Variants in SLC38A12 observed in about 807,000 individuals in gnomAD.
The protein encoded by SLC38A12 is solute carrier family 38 member 12.
the SLC38A12 span, among the ~76,000 whole-genome samples, chr17:74,810,212 G>A: frequency 2.0e-5 from 3 of 152,204 alleles, no homozygotes; most frequent in Non-Finnish European, 2.9e-5. Context: ...TGAAGATAAT[G>A]GTGACCTAGT....
the SLC38A12 span, among the ~76,000 whole-genome samples, chr17:74,825,558 G>A: frequency 1.3e-5 from 2 of 152,152 alleles, no homozygotes; most frequent in South Asian, 2.1e-4. Flanking sequence ...CACTTGGCCC[G>A]AGCAAAGGGT....
chr17:74,832,281 T>C, the SLC38A12 span, among the ~76,000 whole-genome samples: 1 of 152,160 alleles, frequency 6.6e-6, no homozygotes, highest in Non-Finnish European at 1.5e-5. Context: ...CTAGTTTCTT[T>C]TGAATTTGCT....
the SLC38A12 span, among the ~76,000 whole-genome samples, chr17:74,813,993 T>C: frequency 3.3e-5 from 5 of 152,192 alleles, no homozygotes; most frequent in Admixed American, 1.3e-4. Context: ...TTTAGTTTTG[T>C]CTTGTAAGCA....
the SLC38A12 span, chr17:74,819,599 T>C: frequency 2.2e-4 from 149 of 666,342 alleles, no homozygotes; most frequent in Non-Finnish European, 3.0e-4. Context: ...TTACCCAAGG[T>C]GACCCCAGGG....
chr17:74,791,137 C>T, the SLC38A12 span: 1 of 1,052,506 alleles, frequency 9.5e-7, no homozygotes, highest in Admixed American at 2.0e-5. Context: ...ACAGCCAGAC[C>T]ATGGGGCAGA....
chr17:74,776,640 G>C, the SLC38A12 span: 46 of 152,306 alleles, frequency 3.0e-4, 1 homozygote, highest in Middle Eastern at 3.4e-3. Context: ...ATAGGTTGGG[G>C]CGGGGCGGGG....
the SLC38A12 span, among the ~76,000 whole-genome samples, chr17:74,825,811 G>A: frequency 1.1e-4 from 16 of 152,322 alleles, no homozygotes; most frequent in African/African-American, 2.2e-4. Flanking sequence ...TGGGCTTCAC[G>A]TGGGAGGGTG....
the SLC38A12 span, among the ~76,000 whole-genome samples, chr17:74,815,877 C>T: frequency 6.6e-6 from 1 of 152,202 alleles, no homozygotes; most frequent in African/African-American, 2.4e-5. Flanking sequence ...CCTTGGTACC[C>T]AGATGCCAGG....
the SLC38A12 span, chr17:74,795,582 G>A: frequency 7.4e-6 from 12 of 1,614,084 alleles, no homozygotes; most frequent in African/African-American, 9.3e-5. Context: ...CAATGACACT[G>A]ACCGGTGCTG....
chr17:74,835,775 G>A, the SLC38A12 span: 2 of 1,433,914 alleles, frequency 1.4e-6, no homozygotes, highest in Non-Finnish European at 1.9e-6. Flanking sequence ...AGCAGCCACT[G>A]TTGAGCCACC....
chr17:74,801,059 G>A, the SLC38A12 span, among the ~76,000 whole-genome samples: 54 of 152,224 alleles, frequency 3.5e-4, no homozygotes, highest in Non-Finnish European at 6.8e-4. Flanking sequence ...AGGACGCCTG[G>A]AGGGGGAAGG....
the SLC38A12 span, chr17:74,788,932 T>A: frequency 6.7e-7 from 1 of 1,483,262 alleles, no homozygotes; most frequent in Non-Finnish European, 9.2e-7. Flanking sequence ...CAGCAGGCGG[T>A]CTCAGCAGCC....
At chr17:74,823,586 C>T in the SLC38A12 span, among the ~76,000 whole-genome samples, 6 of 152,384 alleles carry the variant, frequency 3.9e-5, no homozygotes, top group Non-Finnish European at 7.3e-5. Flanking sequence ...CAAATAAGTT[C>T]TGGGGAGACT....
At chr17:74,778,639 C>CTTTTT in the SLC38A12 span, among the ~76,000 whole-genome samples, 16 of 75,788 alleles carry the variant, frequency 2.1e-4, no homozygotes, top group African/African-American at 7.3e-4. Flanking sequence ...CAGGGGAAGT[C>CTTTTT]TTTTTTTTTT....
chr17:74,788,868 A>G, the SLC38A12 span: 2 of 1,612,892 alleles, frequency 1.2e-6, no homozygotes, highest in South Asian at 1.1e-5. Context: ...GGAGAACCTC[A>G]AGGTGTGTGT....
chr17:74,823,968 A>AG, the SLC38A12 span, among the ~76,000 whole-genome samples: 24 of 152,224 alleles, frequency 1.6e-4, no homozygotes, highest in Non-Finnish European at 3.4e-4. Flanking sequence ...CAGTGTGCAG[A>AG]GGGGGCCACG....
the SLC38A12 span, among the ~76,000 whole-genome samples, chr17:74,808,167 C>T: frequency 6.6e-6 from 1 of 152,246 alleles, no homozygotes; most frequent in Admixed American, 6.5e-5. Context: ...CAATGAGAGG[C>T]CAGGCCAAGG....
chr17:74,794,446 C>T, the SLC38A12 span, among the ~76,000 whole-genome samples: 2 of 152,212 alleles, frequency 1.3e-5, no homozygotes, highest in African/African-American at 2.4e-5. Context: ...CCCAGCACAC[C>T]AGGCCACCGT....
chr17:74,795,151 G>A, the SLC38A12 span: 3 of 1,552,906 alleles, frequency 1.9e-6, no homozygotes, highest in Non-Finnish European at 1.8e-6. Flanking sequence ...GGTAGCCAAA[G>A]GGGCTTCCTC....
Sources: allele counts gnomAD v4.1 joint callset (sites outside exome capture counted in the v4.1 genomes callset), GRCh38; gene constraint gnomAD v4.1.1; transcripts MANE v1.5; gene names NCBI Gene and HGNC (gene_info 2026-07-23, HGNC 2026-07-21).